The following EBF1 variants were observed in gnomAD, a reference collection of about 807,000 sequenced individuals.
EBF1 encodes the protein EBF transcription factor 1, also known as transcription factor COE1.
A neutral mutation model predicts 68.4 loss-of-function variants in EBF1; 10 were observed. The observed-to-expected ratio is 0.15, with a 90% CI of 0.09 to 0.25. The LOEUF (loss-of-function observed/expected upper bound fraction) is 0.25. EBF1 is among the 10% of genes least tolerant of loss of function. The pLI, the probability that EBF1 is intolerant of heterozygous loss-of-function variation, is 1.00. For synonymous variants in EBF1, 298 were observed against 299.8 expected (o/e 0.99, Z 0.06); for missense variants, 509 against 794.4 (o/e 0.64, Z 4.32).
At chr5:159,085,692 C>T (rs1053270352) in intron 4 of EBF1, among the ~76,000 whole-genome samples, 4 of 152,208 alleles carry the variant, frequency 2.6e-5, no homozygotes, top group African/African-American at 9.6e-5. Context: ...TACTTTCACA[C>T]ATTCCTATAG....
At chr5:159,074,863 A>C (rs990442137) in intron 5 of EBF1, among the ~76,000 whole-genome samples, 9 of 152,188 alleles carry the variant, frequency 5.9e-5, no homozygotes, top group African/African-American at 2.2e-4. Flanking sequence ...GAGTTCTGCT[A>C]TATACTGCTA....
At chr5:158,749,891 G>A (rs1325066972) in intron 10 of EBF1, among the ~76,000 whole-genome samples, 3 of 152,058 alleles carry the variant, frequency 2.0e-5, no homozygotes, top group Non-Finnish European at 2.9e-5. Context: ...TGAAGTAGAG[G>A]TACAGGTCCC....
In EBF1 at chr5:158,782,255, C is replaced by A. The variant is rs539301708; in HGVS notation, c.910-4716G>T. 3.9e-5 allele frequency among the ~76,000 whole-genome samples: 6 copies of A among 152,284 alleles called. No homozygotes were observed. The South Asian group carries it at 1.2e-3, about 32-fold the overall frequency. On this transcript the variant is annotated intron_variant, in intron 9 of 15. Transcript: ENST00000313708. Reference sequence around the variant, plus strand: ...CTGTTATGATATTGATACTATAATACTTAGCAGCCTATTTTGCTTTGTGCC... The same window carrying A: ...CTGTTATGATATTGATACTATAATAATTAGCAGCCTATTTTGCTTTGTGCC...
At chr5:158,797,166 T>A (rs555894569) in intron 8 of EBF1, among the ~76,000 whole-genome samples, 5 of 152,322 alleles carry the variant, frequency 3.3e-5, no homozygotes, top group Admixed American at 1.3e-4. Context: ...AACCCTAGAA[T>A]TGACTTTTTC....
chr5:158,924,248 G>T (rs941254112), intron 6 of EBF1, among the ~76,000 whole-genome samples: 1 of 152,112 alleles, frequency 6.6e-6, no homozygotes, highest in Non-Finnish European at 1.5e-5. Context: ...CTGCCTTTTC[G>T]CTGTGAAAGC....
intron 6 of EBF1, among the ~76,000 whole-genome samples, chr5:158,890,576 C>T (rs1800973487): frequency 6.6e-6 from 1 of 152,230 alleles, no homozygotes; most frequent in African/African-American, 2.4e-5. Context: ...GAGACAAGAA[C>T]TGAGAGCAGC....
intron 6 of EBF1, among the ~76,000 whole-genome samples, chr5:159,029,749 A>T (rs1219149435): frequency 1.3e-5 from 2 of 152,080 alleles, no homozygotes; most frequent in Non-Finnish European, 2.9e-5. Context: ...GAGGTCAGGA[A>T]TTCGAGACCA....
At chr5:159,067,636 G>T (rs970620534) in intron 6 of EBF1, among the ~76,000 whole-genome samples, 1 of 152,166 alleles carries the variant, frequency 6.6e-6, no homozygotes. Flanking sequence ...TTCTTATCAC[G>T]GTAGCAAACT....
intron 12 of EBF1, among the ~76,000 whole-genome samples, chr5:158,713,772 G>GA (rs143399557): frequency 0.03 from 4,619 of 152,232 alleles, 117 homozygotes; most frequent in Non-Finnish European, 0.051. Flanking sequence ...ACTTTTTGGA[G>GA]AAAAAATTAA....
intron 15 of EBF1, among the ~76,000 whole-genome samples, chr5:158,706,017 T>A (rs142354446): frequency 6.6e-6 from 1 of 152,220 alleles, no homozygotes; most frequent in Non-Finnish European, 1.5e-5. Context: ...TTATAAGTTA[T>A]ATTCGCTCAA....
chr5:158,797,922 T>G (rs1779871215), intron 8 of EBF1, among the ~76,000 whole-genome samples: 1 of 152,184 alleles, frequency 6.6e-6, no homozygotes, highest in Admixed American at 6.5e-5. Context: ...TCTTGTCTGA[T>G]TTTTTAACAT....
intron 6 of EBF1, among the ~76,000 whole-genome samples, chr5:158,941,406 G>A (rs1352439116): frequency 6.6e-6 from 1 of 152,184 alleles, no homozygotes; most frequent in Non-Finnish European, 1.5e-5. Context: ...AACACTGCAA[G>A]TTTCGAAGGA....
chr5:159,099,662 G>GT lies in EBF1; in HGVS notation c.-185dup, dbSNP rs1223579707. 3.6e-5 allele frequency: 24 copies of GT among 670,284 alleles called. No individual in the cohort carries two copies. Among genetic ancestry groups the GT allele is most frequent in the Admixed American group, 1.2e-4 (3 of 24,062 alleles). The allele number at this position is 670,284 out of a possible 1,614,324, so 41.5% of individuals were successfully genotyped here. A position where few individuals can be genotyped will look rare whatever the true frequency, so the allele number is the denominator to read the frequency against. ...GCTGGAAAGCAAATTTTTAAAAAAT[G>GT]TAAACCTCTGCTCAAAACTGAGCGA... On this transcript the variant is annotated 5_prime_UTR_variant, in exon 1 of 16. Transcript: ENST00000313708.
At chr5:158,863,134 G>T (rs1795250586) in intron 6 of EBF1, among the ~76,000 whole-genome samples, 1 of 152,114 alleles carries the variant, frequency 6.6e-6, no homozygotes, top group Non-Finnish European at 1.5e-5. Context: ...TAACCTTCAT[G>T]CTTATGGTTT....
intron 15 of EBF1, among the ~76,000 whole-genome samples, chr5:158,701,553 T>A (rs1314750203): frequency 6.6e-6 from 1 of 152,174 alleles, no homozygotes; most frequent in Admixed American, 6.5e-5. Context: ...GAGCCCAGGC[T>A]GCGAACAGCA....
chr5:158,972,629 C>A (rs1219881357), intron 6 of EBF1, among the ~76,000 whole-genome samples: 1 of 152,228 alleles, frequency 6.6e-6, no homozygotes, highest in Non-Finnish European at 1.5e-5. Flanking sequence ...ACGCTAATGA[C>A]TAGGTGGATA....
intron 6 of EBF1, among the ~76,000 whole-genome samples, chr5:159,002,114 G>C (rs1762655001): frequency 6.7e-6 from 1 of 149,980 alleles, no homozygotes; most frequent in Non-Finnish European, 1.5e-5. Context: ...CAACAGCCCA[G>C]TAGAATAAGG....
At chr5:158,701,036 C>T (rs139312319) in intron 15 of EBF1, among the ~76,000 whole-genome samples, 145 of 152,278 alleles carry the variant, frequency 9.5e-4, no homozygotes, top group African/African-American at 3.0e-3. Context: ...GGCAAGGAGG[C>T]GCAGGGGAGT....
At chr5:158,743,905 T>C (rs779396189) in intron 10 of EBF1, among the ~76,000 whole-genome samples, 1 of 152,148 alleles carries the variant, frequency 6.6e-6, no homozygotes, top group Non-Finnish European at 1.5e-5. Flanking sequence ...GCACGGTGGC[T>C]CATGCCTGCA....
Sources: allele counts gnomAD v4.1 joint callset (sites outside exome capture counted in the v4.1 genomes callset), GRCh38; gene constraint gnomAD v4.1.1; transcripts MANE v1.5; gene names NCBI Gene and HGNC (gene_info 2026-07-23, HGNC 2026-07-21).